Variants in NRF1 observed in about 807,000 individuals in gnomAD.
NRF1 encodes the protein alpha palindromic-binding protein.
In NRF1, 5 loss-of-function variants were observed where a neutral mutation model predicts 58.5. That is an observed-to-expected ratio of 0.09 (90% CI 0.04 to 0.18). NRF1 has a LOEUF of 0.18. NRF1 is among the 10% of genes least tolerant of loss of function. The probability of loss-of-function intolerance (pLI) is 1.00; values close to 1 mark genes in which losing one functional copy is unlikely to be tolerated. For missense variants in NRF1, 288 were observed against 657.7 expected (o/e 0.44, Z 6.15); for synonymous variants, 224 against 246.7 (o/e 0.91, Z 0.86).
intron 2 of NRF1, among the ~76,000 whole-genome samples, chr7:129,663,634 C>A (rs1267906652): frequency 6.6e-6 from 1 of 150,748 alleles, no homozygotes; most frequent in Non-Finnish European, 1.5e-5. Context: ...GCGCTCCTCA[C>A]TTCCCAGACG....
chr7:129,684,937 G>A (rs965452048), intron 4 of NRF1, among the ~76,000 whole-genome samples: 3 of 152,162 alleles, frequency 2.0e-5, no homozygotes, highest in Admixed American at 2.0e-4. Context: ...GAACAAAGGA[G>A]GCAGACACTG....
chr7:129,673,173 T>G (rs1232008008), intron 3 of NRF1, among the ~76,000 whole-genome samples: 1 of 152,172 alleles, frequency 6.6e-6, no homozygotes, highest in Non-Finnish European at 1.5e-5. Context: ...GAGTTCATGA[T>G]TGAACTTGAC....
chr7:129,695,631 G>A (rs1802674264), intron 5 of NRF1, among the ~76,000 whole-genome samples: 5 of 148,502 alleles, frequency 3.4e-5, no homozygotes, highest in Admixed American at 6.7e-5. Flanking sequence ...ATATACTGTA[G>A]TTTGAGGGGT....
At chr7:129,699,816 A>T (rs1802778664) in intron 5 of NRF1, among the ~76,000 whole-genome samples, 1 of 151,974 alleles carries the variant, frequency 6.6e-6, no homozygotes, top group East Asian at 1.9e-4. Flanking sequence ...TTTAATGGGC[A>T]CAGAATTTGT....
chr7:129,750,902 T>G (rs1804099635), intron 10 of NRF1, among the ~76,000 whole-genome samples: 1 of 152,100 alleles, frequency 6.6e-6, no homozygotes, highest in Admixed American at 6.5e-5. Context: ...GGGACACAAG[T>G]TAAATCTTAG....
At chr7:129,733,328 G>A (rs10259352) in intron 10 of NRF1, among the ~76,000 whole-genome samples, 80,697 of 151,644 alleles carry the variant, frequency 0.53, 22,756 homozygotes, top group Non-Finnish European at 0.64. Context: ...TTAGCCAGGC[G>A]CGGTGGCGGG....
Position 129,701,610 on chromosome 7 carries a change from G to GA in NRF1, c.607-7455dup, listed in dbSNP as rs981454259. ...CTGTCTCAAAAAAAAAAAAGAAAAA[G>GA]AAAAAAAAAAGAGAGAAAACTTGGT... On this transcript the variant is annotated intron_variant, in intron 5 of 10. Coordinates refer to ENST00000393232, the MANE Select transcript of NRF1 (RefSeq NM_005011.5). 1.2e-3 allele frequency among the ~76,000 whole-genome samples: 177 copies of GA among 145,228 alleles called. 1 individual carries two copies. The East Asian group carries it at 0.016, about 13-fold the overall frequency.
intron 1 of NRF1, among the ~76,000 whole-genome samples, chr7:129,615,635 C>T (rs2044012621): frequency 6.6e-6 from 1 of 152,090 alleles, no homozygotes; most frequent in African/African-American, 2.4e-5. Flanking sequence ...AGTAAAACAG[C>T]AATGAAAAAG....
At chr7:129,662,548 T>A (rs1179289002) in intron 2 of NRF1, among the ~76,000 whole-genome samples, 2 of 152,128 alleles carry the variant, frequency 1.3e-5, no homozygotes, top group East Asian at 3.8e-4. Flanking sequence ...ATGTCATTTC[T>A]TGTTCACGTT....
intron 5 of NRF1, among the ~76,000 whole-genome samples, chr7:129,708,825 T>C (rs1252890457): frequency 6.6e-6 from 1 of 152,134 alleles, no homozygotes; most frequent in Non-Finnish European, 1.5e-5. Context: ...GGGGTAGATA[T>C]TCTTACTCTT....
intron 5 of NRF1, 130 bp downstream of exon 5, chr7:129,690,676 G>T (rs1022037413): frequency 3.2e-6 from 3 of 945,438 alleles, no homozygotes; most frequent in Middle Eastern, 3.3e-4. Context: ...GAGTCTTGTA[G>T]TGAAACAGTA....
At position 129,756,023 on chromosome 7, in the gene NRF1, A is replaced by G. The variant is rs1006593028; in HGVS notation, c.*842A>G. On this transcript the variant is annotated 3_prime_UTR_variant, in exon 11 of 11. Transcript: ENST00000393232. ...GCTCTGGTTTTAAGGTCAGTCCTGAATTGCTCGTATATATGAACTGAAGGT... is the reference window on the plus strand; with the variant it reads ...GCTCTGGTTTTAAGGTCAGTCCTGAGTTGCTCGTATATATGAACTGAAGGT... 6.6e-6 allele frequency: 1 copy of G among 152,446 alleles called. No individual in the cohort carries two copies. The highest frequency in any genetic ancestry group is 1.5e-5 in the Non-Finnish European group (1 of 68,052). 9.4% of individuals were successfully genotyped at this position (152,446 alleles called of 1,614,324 possible). A position where few individuals can be genotyped will look rare whatever the true frequency, so the allele number is the denominator to read the frequency against.
At chr7:129,730,165 C>CCAG (rs1803545686) in intron 10 of NRF1, among the ~76,000 whole-genome samples, 2 of 152,166 alleles carry the variant, frequency 1.3e-5, no homozygotes, top group Admixed American at 1.3e-4. Flanking sequence ...ATGGTATCTG[C>CCAG]CAGTAGGTCA....
chr7:129,662,951 G>A (rs1801820811), intron 2 of NRF1, among the ~76,000 whole-genome samples: 1 of 152,162 alleles, frequency 6.6e-6, no homozygotes, highest in African/African-American at 2.4e-5. Context: ...AGGGAGTGGT[G>A]ATGACTCTTA....
intron 1 of NRF1, among the ~76,000 whole-genome samples, chr7:129,647,270 T>C (rs189198107): frequency 6.6e-6 from 1 of 152,240 alleles, no homozygotes; most frequent in Admixed American, 6.5e-5. Flanking sequence ...GACCTCGCGA[T>C]CTGCCCGCCT....
At chr7:129,637,493 A>G (rs1296309807) in intron 1 of NRF1, among the ~76,000 whole-genome samples, 2 of 152,214 alleles carry the variant, frequency 1.3e-5, no homozygotes, top group Non-Finnish European at 2.9e-5. Context: ...TATTATTTTG[A>G]AGGGAGAAAT....
At chr7:129,645,772 A>G (rs1025583008) in intron 1 of NRF1, among the ~76,000 whole-genome samples, 1 of 152,144 alleles carries the variant, frequency 6.6e-6, no homozygotes, top group Non-Finnish European at 1.5e-5. Flanking sequence ...GTTTGTGTTG[A>G]TATCACCTAC....
At chr7:129,747,015 TG>T (rs1352319376) in intron 10 of NRF1, among the ~76,000 whole-genome samples, 1 of 152,190 alleles carries the variant, frequency 6.6e-6, no homozygotes, top group Non-Finnish European at 1.5e-5. Context: ...TCAGGTTGTC[TG>T]TCCTGCTCTA....
chr7:129,722,794 T>G (rs1803358549), intron 9 of NRF1, among the ~76,000 whole-genome samples: 1 of 152,212 alleles, frequency 6.6e-6, no homozygotes, highest in Non-Finnish European at 1.5e-5. Flanking sequence ...TCACTGCCCA[T>G]GAAACTCATT....
Sources: allele counts gnomAD v4.1 joint callset (sites outside exome capture counted in the v4.1 genomes callset), GRCh38; gene constraint gnomAD v4.1.1; transcripts MANE v1.5; gene names NCBI Gene and HGNC (gene_info 2026-07-23, HGNC 2026-07-21).